The following SRGAP1 variants were observed in gnomAD, a reference collection of about 807,000 sequenced individuals.
SRGAP1 encodes SLIT-ROBO Rho GTPase activating protein 1, also known as SLIT-ROBO Rho GTPase-activating protein 1.
Under a neutral mutation model 121.9 loss-of-function variants are expected in SRGAP1, and 43 were observed. The ratio of observed to expected loss-of-function variants is 0.35; its 90% confidence interval spans 0.28 to 0.46. The LOEUF is 0.46. Ranked by LOEUF, SRGAP1 falls within the 20% of genes least tolerant of loss-of-function variation. The probability of loss-of-function intolerance (pLI) is 1.00; values close to 1 mark genes in which losing one functional copy is unlikely to be tolerated. For synonymous variants in SRGAP1, 447 were observed against 485.4 expected, an observed-to-expected ratio of 0.92 and a Z score of 1.04; for missense variants, 1,102 against 1,350.9, an observed-to-expected ratio of 0.82 and a Z score of 2.89.
At chr12:64,063,759 G>A (rs940839775) in intron 7 of SRGAP1, among the ~76,000 whole-genome samples, 7 of 151,934 alleles carry the variant, frequency 4.6e-5, no homozygotes, top group South Asian at 4.2e-4. Flanking sequence ...ATGCTATATA[G>A]CACTTGTTGT....
At chr12:64,025,100 TA>T (rs1330825307) in intron 4 of SRGAP1, among the ~76,000 whole-genome samples, 1 of 151,592 alleles carries the variant, frequency 6.6e-6, no homozygotes, top group Non-Finnish European at 1.5e-5. Flanking sequence ...GCACAGAATC[TA>T]GCCTGGCCTT....
chr12:64,090,250 T>C (rs2136581446), intron 11 of SRGAP1, among the ~76,000 whole-genome samples: 1 of 152,270 alleles, frequency 6.6e-6, no homozygotes, highest in South Asian at 2.1e-4. Flanking sequence ...ATATACTACA[T>C]GCTGCACTAG....
chr12:64,114,165 A>C (rs2136619627), intron 17 of SRGAP1, among the ~76,000 whole-genome samples: 1 of 152,296 alleles, frequency 6.6e-6, no homozygotes, highest in Non-Finnish European at 1.5e-5. Context: ...CCAACTTTAC[A>C]CATGAAGTTC....
At chr12:64,134,621 G>A (rs2036832616) in intron 21 of SRGAP1, among the ~76,000 whole-genome samples, 1 of 152,112 alleles carries the variant, frequency 6.6e-6, no homozygotes, top group South Asian at 2.1e-4. Context: ...AGTGCTCACA[G>A]TGGGCCATCT....
At chr12:64,133,124 T>C (rs1281822133) in intron 21 of SRGAP1, among the ~76,000 whole-genome samples, 1 of 152,226 alleles carries the variant, frequency 6.6e-6, no homozygotes, top group African/African-American at 2.4e-5. Context: ...GAGGATGTGG[T>C]GGGAATCACC....
chr12:64,033,190 T>G (rs964810079), intron 4 of SRGAP1, among the ~76,000 whole-genome samples: 2 of 152,076 alleles, frequency 1.3e-5, no homozygotes, highest in Non-Finnish European at 2.9e-5. Flanking sequence ...TCGTTTGCCC[T>G]GTCATTTGGT....
intron 1 of SRGAP1, among the ~76,000 whole-genome samples, chr12:63,861,302 A>ATATATATT (rs1184711599): frequency 2.9e-4 from 38 of 132,628 alleles, no homozygotes; most frequent in African/African-American, 9.6e-4. Context: ...ATATATATAT[A>ATATATATT]TTTTTTTTTT....
At chr12:63,866,717 T>C (rs2136272364) in intron 1 of SRGAP1, among the ~76,000 whole-genome samples, 1 of 151,958 alleles carries the variant, frequency 6.6e-6, no homozygotes, top group South Asian at 2.1e-4. Context: ...GAATAGTTAA[T>C]ATAGACTTTT....
intron 16 of SRGAP1, among the ~76,000 whole-genome samples, chr12:64,110,181 C>T (rs908266120): frequency 5.9e-5 from 9 of 152,190 alleles, no homozygotes; most frequent in Non-Finnish European, 1.5e-5. Context: ...CCACCATCAC[C>T]ACCACCACCA....
In SRGAP1 at chr12:64,023,044, A is replaced by C. The variant is rs576993589; in HGVS notation, c.489+6032A>C. On this transcript the variant is annotated intron_variant, in intron 4 of 21. Coordinates refer to ENST00000355086, the MANE Select transcript of SRGAP1 (RefSeq NM_020762.4). The stretch of plus-strand genomic sequence containing the variant: ...ATTAGTAGTTAATGTTAGCCTCCTC[A>C]TCATCATCGCCCTCTTTATCAGTGA... 5.5e-4 allele frequency among the ~76,000 whole-genome samples: 83 copies of C among 152,210 alleles called. 2 individuals carry two copies. In the South Asian group the frequency reaches 0.011, roughly 21 times the overall value.
At chr12:63,858,122 A>T (rs1899315902) in intron 1 of SRGAP1, among the ~76,000 whole-genome samples, 1 of 152,006 alleles carries the variant, frequency 6.6e-6, no homozygotes, top group Non-Finnish European at 1.5e-5. Flanking sequence ...AGTAATATTT[A>T]TAGATTTCCT....
intron 1 of SRGAP1, among the ~76,000 whole-genome samples, chr12:63,900,204 C>CTTTTTTTTCTTT (rs755464707): frequency 6.1e-4 from 53 of 87,554 alleles, no homozygotes; most frequent in South Asian, 1.3e-3. Context: ...TTTTCTTTTT[C>CTTTTTTTTCTTT]TTTTTTTTTT....
At chr12:64,072,067 T>A (rs2035646745) in intron 8 of SRGAP1, among the ~76,000 whole-genome samples, 1 of 148,928 alleles carries the variant, frequency 6.7e-6, no homozygotes, top group Admixed American at 6.8e-5. Flanking sequence ...TGAGTTTCTG[T>A]ACCCTTGGCT....
intron 8 of SRGAP1, among the ~76,000 whole-genome samples, chr12:64,075,938 T>C (rs997321963): frequency 8.6e-5 from 13 of 151,896 alleles, no homozygotes; most frequent in African/African-American, 2.9e-4. Flanking sequence ...AAAAAAGTAA[T>C]TGAAAAGATT....
chr12:63,933,164 G>T (rs185452411), intron 1 of SRGAP1, among the ~76,000 whole-genome samples: 17 of 152,278 alleles, frequency 1.1e-4, no homozygotes, highest in Admixed American at 2.0e-4. Flanking sequence ...ATCCAGCCTG[G>T]TGACAGAGCG....
At chr12:63,870,080 A>G (rs1899796737) in intron 1 of SRGAP1, among the ~76,000 whole-genome samples, 1 of 152,208 alleles carries the variant, frequency 6.6e-6, no homozygotes, top group Non-Finnish European at 1.5e-5. Flanking sequence ...ATTGCATGTT[A>G]TTCATTCTGT....
Position 64,096,790 on chromosome 12 carries a change from A to C in SRGAP1, c.1679-451A>C, listed in dbSNP as rs552480726. ...ATTTAATTGTAGGTGTTCACAATTC[A>C]GTGGCACCTATGACATTTCTGATAA... On this transcript the variant is annotated intron_variant, in intron 14 of 21. Coordinates refer to ENST00000355086, the MANE Select transcript of SRGAP1 (RefSeq NM_020762.4). Among the ~76,000 whole-genome samples, 3 of 152,260 alleles carry C rather than the reference A, an allele frequency of 2.0e-5. No homozygotes were observed. In the South Asian group the frequency reaches 6.2e-4, roughly 32 times the overall value.
chr12:64,031,404 G>T (rs994436208), intron 4 of SRGAP1, among the ~76,000 whole-genome samples: 4 of 151,052 alleles, frequency 2.6e-5, no homozygotes, highest in Admixed American at 2.0e-4. Flanking sequence ...AATTCTTACA[G>T]AATTTAGTTA....
intron 1 of SRGAP1, among the ~76,000 whole-genome samples, chr12:63,967,843 G>A (rs1013395957): frequency 2.6e-5 from 4 of 152,196 alleles, no homozygotes; most frequent in Non-Finnish European, 5.9e-5. Flanking sequence ...CTTTCCCCCA[G>A]TTTCTGGAGT....
Sources: allele counts gnomAD v4.1 joint callset (sites outside exome capture counted in the v4.1 genomes callset), GRCh38; gene constraint gnomAD v4.1.1; transcripts MANE v1.5; gene names NCBI Gene and HGNC (gene_info 2026-07-23, HGNC 2026-07-21).